CACNB4: variants seen among roughly 807,000 people sequenced by gnomAD.
CACNB4 encodes the protein calcium voltage-gated channel auxiliary subunit beta 4, also known as voltage-dependent L-type calcium channel subunit beta-4.
CACNB4 carries 32 observed loss-of-function variants against 71.2 expected under a neutral mutation model. The observed-to-expected ratio is 0.45, with a 90% confidence interval of 0.34 to 0.60. The LOEUF (loss-of-function observed/expected upper bound fraction) is 0.60. Ranked by LOEUF, CACNB4 falls within the 20% of genes least tolerant of loss-of-function variation. The pLI, the probability that CACNB4 is intolerant of heterozygous loss-of-function variation, is 0.01. For missense variants in CACNB4, 464 were observed against 647.9 expected, an observed-to-expected ratio of 0.72 and a Z score of 3.08; for synonymous variants, 231 against 236.9, an observed-to-expected ratio of 0.97 and a Z score of 0.23.
intron 2 of CACNB4, among the ~76,000 whole-genome samples, chr2:152,092,950 AAT>A (rs1255188839): frequency 1.3e-5 from 2 of 152,144 alleles, no homozygotes; most frequent in African/African-American, 4.8e-5. Context: ...CAATGTTAAC[AAT>A]ATGTCATAAT....
At chr2:151,932,621 A>G (rs951780654) in intron 2 of CACNB4, among the ~76,000 whole-genome samples, 2 of 152,148 alleles carry the variant, frequency 1.3e-5, no homozygotes, top group South Asian at 2.1e-4. Flanking sequence ...ATTGGTGTCT[A>G]TTAAAAGGGG....
chr2:152,001,305 G>T (rs986988865), intron 2 of CACNB4, among the ~76,000 whole-genome samples: 1 of 151,964 alleles, frequency 6.6e-6, no homozygotes, highest in African/African-American at 2.4e-5. Flanking sequence ...CTCAGGCCCT[G>T]CCCTCTGGAA....
At chr2:151,979,118 G>T (rs1327544486) in intron 2 of CACNB4, among the ~76,000 whole-genome samples, 1 of 152,010 alleles carries the variant, frequency 6.6e-6, no homozygotes, top group Non-Finnish European at 1.5e-5. Context: ...CTGCCCAGAA[G>T]ACCGTCCTCA....
intron 2 of CACNB4, among the ~76,000 whole-genome samples, chr2:151,993,189 C>T (rs1344221639): frequency 6.6e-6 from 1 of 151,048 alleles, no homozygotes; most frequent in Non-Finnish European, 1.5e-5. Context: ...ACTATCAAGG[C>T]TTTTACCCAC....
intron 2 of CACNB4, among the ~76,000 whole-genome samples, chr2:151,998,168 C>CA (rs1422619183): frequency 2.0e-5 from 3 of 151,724 alleles, no homozygotes; most frequent in Non-Finnish European, 4.4e-5. Flanking sequence ...ACTAAAAATA[C>CA]AAAAAAATTA....
chr2:151,863,658 T>G (rs1267129682), intron 9 of CACNB4, among the ~76,000 whole-genome samples: 1 of 152,318 alleles, frequency 6.6e-6, no homozygotes, highest in Admixed American at 6.5e-5. Flanking sequence ...TATCATCAGA[T>G]TCACACTTTT....
intron 2 of CACNB4, among the ~76,000 whole-genome samples, chr2:152,077,343 A>C (rs1180455241): frequency 6.6e-6 from 1 of 152,186 alleles, no homozygotes. Flanking sequence ...TCATGAGGTC[A>C]AGAGTTCGAG....
chr2:152,018,011 TTAG>T (rs1331181876), intron 2 of CACNB4, among the ~76,000 whole-genome samples: 1 of 151,854 alleles, frequency 6.6e-6, no homozygotes, highest in Non-Finnish European at 1.5e-5. Context: ...TTTTGTAATT[TTAG>T]TAGAGACGGG....
chr2:152,078,832 T>C (rs1216658062), intron 2 of CACNB4, among the ~76,000 whole-genome samples: 1 of 152,212 alleles, frequency 6.6e-6, no homozygotes, highest in Non-Finnish European at 1.5e-5. Context: ...GCCCACCTTC[T>C]TGTAGACTGT....
At chr2:151,974,514 G>A (rs1279711693) in intron 2 of CACNB4, among the ~76,000 whole-genome samples, 1 of 152,206 alleles carries the variant, frequency 6.6e-6, no homozygotes, top group African/African-American at 2.4e-5. Flanking sequence ...GGTGAAGTTT[G>A]AAAAGGAAGC....
At chr2:151,987,218 G>T (rs1389069065) in intron 2 of CACNB4, among the ~76,000 whole-genome samples, 2 of 152,192 alleles carry the variant, frequency 1.3e-5, no homozygotes, top group African/African-American at 4.8e-5. Flanking sequence ...ACCACCTTGA[G>T]CTCTTGGTAC....
At chr2:151,965,267 A>G (rs927367805) in intron 2 of CACNB4, among the ~76,000 whole-genome samples, 6 of 152,226 alleles carry the variant, frequency 3.9e-5, no homozygotes, top group Non-Finnish European at 7.3e-5. Context: ...TCATGCGAAC[A>G]TTATTTAAAG....
At chr2:151,976,733 A>G (rs2099873875) in intron 2 of CACNB4, among the ~76,000 whole-genome samples, 1 of 152,194 alleles carries the variant, frequency 6.6e-6, no homozygotes, top group Non-Finnish European at 1.5e-5. Flanking sequence ...GTGAGCTCAG[A>G]ACTCTAGAAA....
chr2:151,841,748 G>T, intron 13 of CACNB4, 155 bp downstream of exon 13: 1 of 627,020 alleles, frequency 1.6e-6, no homozygotes. Flanking sequence ...CTCTAGGATA[G>T]ATCATAATTA....
chr2:151,902,893 T>C (rs2099853839), intron 2 of CACNB4, among the ~76,000 whole-genome samples: 1 of 152,218 alleles, frequency 6.6e-6, no homozygotes, highest in African/African-American at 2.4e-5. Context: ...ACAGAATTCT[T>C]TTGAACCCTG....
intron 2 of CACNB4, among the ~76,000 whole-genome samples, chr2:151,928,245 T>C (rs956239906): frequency 1.3e-5 from 2 of 152,256 alleles, no homozygotes; most frequent in Non-Finnish European, 2.9e-5. Flanking sequence ...TATTACTGAA[T>C]GACTATCGAC....
At chr2:151,942,194 C>T (rs1309101868) in intron 2 of CACNB4, among the ~76,000 whole-genome samples, 1 of 149,136 alleles carries the variant, frequency 6.7e-6, no homozygotes, top group Non-Finnish European at 1.5e-5. Flanking sequence ...AGATCTAGAT[C>T]CATAGTTATC....
chr2:151,984,799 C>T (rs753679505), intron 2 of CACNB4, among the ~76,000 whole-genome samples: 1 of 152,324 alleles, frequency 6.6e-6, no homozygotes, highest in African/African-American at 2.4e-5. Flanking sequence ...ATCCATCCAG[C>T]ATCAACTTGC....
Position 151,964,087 on chromosome 2 carries a change from A to AAAAAAT in CACNB4, c.148-80718_148-80717insATTTTT, listed in dbSNP as rs1291914342. ...TCTCACAGAAAAAAAAAAAAAAAAA[A>AAAAAAT]AAAGAATGTTAACTGTAGCATTTAA... On this transcript the variant is annotated intron_variant, in intron 2 of 13. Coordinates refer to ENST00000539935, the MANE Select transcript of CACNB4 (RefSeq NM_000726.5). Among the ~76,000 whole-genome samples the AAAAAAT allele has an allele frequency of 5.8e-3, 871 of 151,000 alleles. 4 individuals are homozygous for AAAAAAT. Among genetic ancestry groups the AAAAAAT allele is most frequent in the African/African-American group, 0.02 (818 of 40,844 alleles).
Sources: gnomAD v4.1 joint callset for allele counts (sites outside exome capture counted in the v4.1 genomes callset) on GRCh38, gnomAD v4.1.1 for gene constraint, MANE v1.5 for transcripts, NCBI Gene and HGNC (gene_info 2026-07-23, HGNC 2026-07-21) for gene names.